Variants in GRAMD2B observed in about 807,000 individuals in gnomAD.
GRAMD2B encodes GRAM domain containing 2B, also known as GRAM domain-containing protein 2B.
GRAMD2B carries 41 observed loss-of-function variants against 59.2 expected under a neutral mutation model. The observed-to-expected ratio is 0.69, with a 90% CI of 0.54 to 0.90. The LOEUF (loss-of-function observed/expected upper bound fraction) is 0.90, where lower values mean the gene tolerates loss of function less well. Among genes scored for constraint, GRAMD2B ranks in the 40% least tolerant of loss-of-function variants. GRAMD2B has a pLI of 0.00. For missense variants in GRAMD2B, 424 were observed against 500.5 expected (o/e 0.85, Z 1.46); for synonymous variants, 161 against 182.7 (o/e 0.88, Z 0.96).
intron 1 of GRAMD2B, among the ~76,000 whole-genome samples, chr5:126,396,045 T>A (rs1757337898): frequency 6.6e-6 from 1 of 152,190 alleles, no homozygotes; most frequent in Non-Finnish European, 1.5e-5. Context: ...TTTCTCCACA[T>A]CCTCACCAAC....
At chr5:126,391,982 A>T (rs1200494832) in intron 1 of GRAMD2B, among the ~76,000 whole-genome samples, 1 of 152,232 alleles carries the variant, frequency 6.6e-6, no homozygotes, top group East Asian at 1.9e-4. Context: ...TTGGAAGTTC[A>T]TATTCTGTAA....
intron 1 of GRAMD2B, among the ~76,000 whole-genome samples, chr5:126,449,958 G>A (rs191313787): frequency 2.6e-5 from 4 of 152,250 alleles, no homozygotes; most frequent in African/African-American, 7.2e-5. Context: ...GAAACAAAGC[G>A]ACAGGTTTCT....
chr5:126,423,534 CCTAGAAG>C lies in GRAMD2B; in HGVS notation c.-71_-65del. On this transcript the variant is annotated 5_prime_UTR_variant, in exon 1 of 14. An upstream open reading frame in the 5' UTR loses its in-frame stop. Coordinates refer to ENST00000285689, the MANE Select transcript of GRAMD2B (RefSeq NM_023927.4). ...CGCTTGCTTGGCCTGCGCACCCGGA[CCTAGAAG>C]CCGGGACGAGCCGGGGCAGAGCCAG... 1 of 1,565,288 alleles carries C rather than the reference CCTAGAAG, an allele frequency of 6.4e-7. No homozygotes were observed. Among genetic ancestry groups the C allele is most frequent in the Non-Finnish European group, 8.6e-7 (1 of 1,156,996 alleles).
intron 1 of GRAMD2B, among the ~76,000 whole-genome samples, chr5:126,383,865 G>T (rs1360066162): frequency 6.6e-6 from 1 of 152,108 alleles, no homozygotes; most frequent in Non-Finnish European, 1.5e-5. Context: ...GATTTCAGAA[G>T]TAGACACAAT....
At chr5:126,463,003 C>T (rs548956870) in intron 1 of GRAMD2B, among the ~76,000 whole-genome samples, 2 of 152,346 alleles carry the variant, frequency 1.3e-5, no homozygotes, top group African/African-American at 4.8e-5. Context: ...GGTCCCGAAA[C>T]AGGACCACCT....
At chr5:126,383,566 C>T (rs1475185473) in intron 1 of GRAMD2B, among the ~76,000 whole-genome samples, 2 of 152,040 alleles carry the variant, frequency 1.3e-5, no homozygotes, top group African/African-American at 2.4e-5. Context: ...AGATGGATTA[C>T]AGTTTTTCTC....
intron 1 of GRAMD2B, among the ~76,000 whole-genome samples, chr5:126,456,755 A>C (rs1384197389): frequency 2.0e-5 from 3 of 152,202 alleles, no homozygotes; most frequent in Non-Finnish European, 2.9e-5. Flanking sequence ...ACAGCAACAT[A>C]AATTTCTAAT....
intron 12 of GRAMD2B, among the ~76,000 whole-genome samples, chr5:126,488,409 T>C (rs1170446418): frequency 1.3e-5 from 2 of 152,194 alleles, no homozygotes; most frequent in Non-Finnish European, 2.9e-5. Context: ...ACTTGTAAAG[T>C]TCTAGTATAA....
intron 1 of GRAMD2B, among the ~76,000 whole-genome samples, chr5:126,401,033 A>C (rs191898649): frequency 6.6e-6 from 1 of 152,018 alleles, no homozygotes; most frequent in Non-Finnish European, 1.5e-5. Flanking sequence ...CTTTCTTCCC[A>C]TTTCTCTTTT....
chr5:126,445,317 AT>A (rs1369880502), intron 1 of GRAMD2B, among the ~76,000 whole-genome samples: 2 of 152,102 alleles, frequency 1.3e-5, no homozygotes, highest in Non-Finnish European at 2.9e-5. Context: ...CCCACCAACA[AT>A]GTAAAAGTGT....
intron 1 of GRAMD2B, among the ~76,000 whole-genome samples, chr5:126,362,975 C>A (rs1439712103): frequency 6.6e-6 from 1 of 152,210 alleles, no homozygotes; most frequent in African/African-American, 2.4e-5. Context: ...AACCTGGACT[C>A]TACCAAAATG....
At chr5:126,379,777 G>A (rs1184200037) in intron 1 of GRAMD2B, among the ~76,000 whole-genome samples, 1 of 152,066 alleles carries the variant, frequency 6.6e-6, no homozygotes, top group African/African-American at 2.4e-5. Flanking sequence ...TTGCTTATTT[G>A]ATTGATTTCC....
intron 1 of GRAMD2B, among the ~76,000 whole-genome samples, chr5:126,404,031 C>A (rs1274816202): frequency 6.6e-6 from 1 of 151,790 alleles, no homozygotes; most frequent in Non-Finnish European, 1.5e-5. Context: ...AGCTATTGTC[C>A]ACATTTTTAG....
upstream of GRAMD2B, among the ~76,000 whole-genome samples, chr5:126,420,336 C>T (rs2149773672): frequency 6.6e-6 from 1 of 152,246 alleles, no homozygotes; most frequent in South Asian, 2.1e-4. Context: ...CCATATATTA[C>T]TGTAGAATAG....
intron 1 of GRAMD2B, among the ~76,000 whole-genome samples, chr5:126,457,879 A>C (rs1766618557): frequency 6.6e-6 from 1 of 152,012 alleles, no homozygotes; most frequent in African/African-American, 2.4e-5. Context: ...ACTCTGAAAA[A>C]ATTGGGGGAT....
intron 1 of GRAMD2B, 60 bp from the exon 2 acceptor site, chr5:126,465,366 T>C: frequency 6.2e-7 from 1 of 1,607,602 alleles, no homozygotes. Flanking sequence ...ACTTCATCGT[T>C]TTCCTTCCAG....
chr5:126,468,257 A>G (rs555126683), intron 2 of GRAMD2B, among the ~76,000 whole-genome samples: 376 of 152,298 alleles, frequency 2.5e-3, no homozygotes, highest in African/African-American at 8.0e-3. Context: ...ATCATCTTAG[A>G]AGGAAACTCT....
chr5:126,383,094 G>A (rs912481089), intron 1 of GRAMD2B, among the ~76,000 whole-genome samples: 1 of 152,230 alleles, frequency 6.6e-6, no homozygotes, highest in Non-Finnish European at 1.5e-5. Context: ...CCCAGTGGAG[G>A]TAGCCGGGGA....
intron 8 of GRAMD2B, 41 bp downstream of exon 8, chr5:126,480,748 A>C: frequency 6.5e-7 from 1 of 1,530,312 alleles, no homozygotes; most frequent in Middle Eastern, 1.7e-4. Flanking sequence ...AAAGAAAGGG[A>C]ATATGTCCCA....
Sources: allele counts gnomAD v4.1 joint callset (sites outside exome capture counted in the v4.1 genomes callset), GRCh38; gene constraint gnomAD v4.1.1; transcripts MANE v1.5; gene names NCBI Gene and HGNC (gene_info 2026-07-23, HGNC 2026-07-21).